RANBP2: variants seen among roughly 807,000 people sequenced by gnomAD.
RANBP2 encodes the protein RAN binding protein 2, also known as E3 SUMO-protein ligase RanBP2.
RANBP2 carries 57 observed loss-of-function variants against 303.6 expected under a neutral mutation model. That is an observed-to-expected ratio of 0.19 (90% CI 0.15 to 0.23). The LOEUF is 0.23. RANBP2 is among the 10% of genes least tolerant of loss of function. RANBP2 has a pLI of 1.00. For missense variants in RANBP2, 3,138 were observed against 3,780.8 expected (o/e 0.83, Z 4.46); for synonymous variants, 1,167 against 1,301.5 (o/e 0.90, Z 2.23).
chr2:108,859,017 C>G, the RANBP2 span, among the ~76,000 whole-genome samples: 1 of 152,116 alleles, frequency 6.6e-6, no homozygotes, highest in African/African-American at 2.4e-5. Flanking sequence ...AGAACAATTT[C>G]ATTTCCTTTG....
the RANBP2 span, among the ~76,000 whole-genome samples, chr2:109,512,786 C>T: frequency 1.3e-5 from 2 of 152,122 alleles, no homozygotes; most frequent in Non-Finnish European, 2.9e-5. Context: ...CTGGGTGCCC[C>T]AAGACCTAAG....
the RANBP2 span, among the ~76,000 whole-genome samples, chr2:108,887,399 A>T: frequency 6.6e-6 from 1 of 151,946 alleles, no homozygotes; most frequent in African/African-American, 2.4e-5. Flanking sequence ...TGCTTTTTTG[A>T]TTCTGTGAAA....
At chr2:109,487,395 C>T in the RANBP2 span, among the ~76,000 whole-genome samples, 7 of 152,116 alleles carry the variant, frequency 4.6e-5, no homozygotes, top group Non-Finnish European at 7.3e-5. Context: ...GTGAGCATGA[C>T]GATTGTTAGT....
chr2:108,780,815 T>C (rs575432676), intron 25 of RANBP2, among the ~76,000 whole-genome samples: 4 of 152,190 alleles, frequency 2.6e-5, no homozygotes, highest in Admixed American at 6.5e-5. Context: ...GTTCAAGCGA[T>C]TCTCCTGCCC....
the RANBP2 span, among the ~76,000 whole-genome samples, chr2:109,147,001 C>A: frequency 1.3e-4 from 19 of 151,036 alleles, no homozygotes; most frequent in African/African-American, 3.9e-4. Context: ...GGACTCATCT[C>A]CCAACCTGAT....
chr2:108,787,003 G>C (rs1430659804), downstream of RANBP2: 1 of 888,208 alleles, frequency 1.1e-6, no homozygotes, highest in Non-Finnish European at 1.5e-6. Context: ...CTGGGGGCGC[G>C]CAGCGGCTCT....
At chr2:109,162,203 G>GTACA in the RANBP2 span, among the ~76,000 whole-genome samples, 1 of 152,166 alleles carries the variant, frequency 6.6e-6, no homozygotes, top group Non-Finnish European at 1.5e-5. Context: ...CTTACTTTAT[G>GTACA]TGTGCCTAGG....
At chr2:108,744,084 C>T (rs1317514264) in intron 7 of RANBP2, among the ~76,000 whole-genome samples, 1 of 152,116 alleles carries the variant, frequency 6.6e-6, no homozygotes, top group Non-Finnish European at 1.5e-5. Flanking sequence ...AGGTAGTTAA[C>T]AAAGTATCTT....
At chr2:109,229,640 G>A in the RANBP2 span, among the ~76,000 whole-genome samples, 1 of 152,110 alleles carries the variant, frequency 6.6e-6, no homozygotes. Flanking sequence ...CCCCTCCAGG[G>A]TCAGGAAGGC....
the RANBP2 span, chr2:109,251,460 G>A: frequency 1.4e-6 from 1 of 729,180 alleles, no homozygotes; most frequent in Admixed American, 1.7e-5. Flanking sequence ...AAAAATCTAT[G>A]GACAAGAAGT....
chr2:109,141,879 G>C, the RANBP2 span, among the ~76,000 whole-genome samples: 1 of 152,096 alleles, frequency 6.6e-6, no homozygotes, highest in South Asian at 2.1e-4. Context: ...GTGCCAGTCT[G>C]CTGTCGGCTG....
the RANBP2 span, chr2:109,545,301 G>A: frequency 2.1e-6 from 3 of 1,440,382 alleles, no homozygotes; most frequent in African/African-American, 4.3e-5. Context: ...AATAAAACAA[G>A]GGACACAAAG....
the RANBP2 span, among the ~76,000 whole-genome samples, chr2:108,842,446 A>AGG: frequency 6.6e-6 from 1 of 152,112 alleles, no homozygotes; most frequent in South Asian, 2.1e-4. Context: ...CGAGAGAGAG[A>AGG]GAAAGGGACC....
the RANBP2 span, among the ~76,000 whole-genome samples, chr2:109,655,724 C>T: frequency 6.6e-6 from 1 of 152,174 alleles, no homozygotes; most frequent in Non-Finnish European, 1.5e-5. Flanking sequence ...TGTGGTCTCT[C>T]TTCCTTAAAG....
the RANBP2 span, chr2:109,553,215 G>A: frequency 1.2e-6 from 2 of 1,613,434 alleles, no homozygotes; most frequent in African/African-American, 1.3e-5. Context: ...TAGGTCTCTT[G>A]AACACTAAAA....
chr2:108,986,390 GT>G, the RANBP2 span, among the ~76,000 whole-genome samples: 1 of 152,094 alleles, frequency 6.6e-6, no homozygotes, highest in Non-Finnish European at 1.5e-5. Flanking sequence ...GAGGGGGAGT[GT>G]TTGCTTACTC....
At chr2:109,459,526 G>C in the RANBP2 span, among the ~76,000 whole-genome samples, 20 of 152,244 alleles carry the variant, frequency 1.3e-4, no homozygotes, top group South Asian at 8.3e-4. Context: ...GTGATTGAGA[G>C]CGTGCTAGGA....
chr2:109,003,861 A>C, the RANBP2 span, among the ~76,000 whole-genome samples: 2 of 152,120 alleles, frequency 1.3e-5, no homozygotes, highest in African/African-American at 4.8e-5. Flanking sequence ...ATATGAAGAG[A>C]CACCAGCAGA....
chr2:109,321,279 T>C, the RANBP2 span, among the ~76,000 whole-genome samples: 2 of 152,212 alleles, frequency 1.3e-5, no homozygotes, highest in Non-Finnish European at 2.9e-5. Flanking sequence ...CGCCATTCCT[T>C]TATTGTCTTG....
Sources: allele counts gnomAD v4.1 joint callset (sites outside exome capture counted in the v4.1 genomes callset), GRCh38; gene constraint gnomAD v4.1.1; transcripts MANE v1.5; gene names NCBI Gene and HGNC (gene_info 2026-07-23, HGNC 2026-07-21).